Variants in ZNF141 observed in about 807,000 individuals in gnomAD.
ZNF141 encodes zinc finger protein 141 (clone pHZ-44).
ZNF141 carries 7 observed loss-of-function variants against 11.3 expected under a neutral mutation model. The observed-to-expected ratio is 0.62, with a 90% CI of 0.35 to 1.16. The LOEUF is 1.16. Among genes scored for constraint, ZNF141 ranks in the 50% most tolerant of loss-of-function variants. The pLI is 0.02. For synonymous variants in ZNF141, 183 were observed against 190.7 expected (o/e 0.96, Z 0.33); for missense variants, 535 against 554.0 (o/e 0.97, Z 0.34).
At position 372,897 on chromosome 4, in the gene ZNF141, G is replaced by A. The variant is rs782174052; in HGVS notation, c.460G>A (p.Val154Ile). 21 of 1,613,410 alleles carry A rather than the reference G, an allele frequency of 1.3e-5. No homozygotes were observed. The highest frequency in any genetic ancestry group is 4.5e-5 in the East Asian group (2 of 44,850). Residue 154 changes from valine to isoleucine, a missense_variant, in exon 4 of 4, where the codon GTT becomes ATT. Coordinates refer to ENST00000240499, the MANE Select transcript of ZNF141 (RefSeq NM_003441.4). ...ILQCKASVKV[V>I]SKFSNSNKRK... ...TCAGTGTAAAGCAAGTGTCAAAGTTGTTAGTAAATTTTCAAATTCAAACAA... is the reference window on the plus strand; with the variant it reads ...TCAGTGTAAAGCAAGTGTCAAAGTTATTAGTAAATTTTCAAATTCAAACAA...
At chr4:355,298 C>A (rs573921802) in intron 3 of ZNF141, among the ~76,000 whole-genome samples, 1 of 152,028 alleles carries the variant, frequency 6.6e-6, no homozygotes, top group Non-Finnish European at 1.5e-5. Flanking sequence ...CTCTGCCTCC[C>A]AGGTTCAAGC....
chr4:347,907 C>T (rs1553849893), intron 3 of ZNF141, among the ~76,000 whole-genome samples: 1 of 150,988 alleles, frequency 6.6e-6, no homozygotes, highest in African/African-American at 2.4e-5. Context: ...TGCAGTGGCA[C>T]GATCTTTGCT....
Position 378,995 on chromosome 4 carries a change from C to T in ZNF141, c.*5133C>T, listed in dbSNP as rs1178150922. On this transcript the variant is annotated 3_prime_UTR_variant, in exon 4 of 4. Transcript: ENST00000240499. Reference sequence around the variant, plus strand: ...AAGTAGCTGGGATTACAGGTGCCCACCACCACACCCAGCTAATTTTTGTAT... The same window carrying T: ...AAGTAGCTGGGATTACAGGTGCCCATCACCACACCCAGCTAATTTTTGTAT... Among the ~76,000 whole-genome samples the T allele has an allele frequency of 2.0e-5, 3 of 151,788 alleles. No homozygotes were observed.
chr4:365,418 C>CA (rs1170762615), intron 3 of ZNF141, among the ~76,000 whole-genome samples: 1 of 152,228 alleles, frequency 6.6e-6, no homozygotes, highest in African/African-American at 2.4e-5. Flanking sequence ...TCTTTTACGT[C>CA]AGTCACGCTG....
At chr4:357,601 T>A (rs550445891) in intron 3 of ZNF141, among the ~76,000 whole-genome samples, 41 of 149,644 alleles carry the variant, frequency 2.7e-4, no homozygotes, top group African/African-American at 5.8e-4. Context: ...ATTAAAAAAA[T>A]TTTTTTTTCT....
chr4:380,992 A>G lies in ZNF141; in HGVS notation c.*7130A>G, dbSNP rs61100476. On this transcript the variant is annotated 3_prime_UTR_variant, in exon 4 of 4. Transcript: ENST00000240499. ...CCCTTCGATACTGACGTACTTGGGA[A>G]CAGCTTTCCTTTCAACTGTCCTTCA... 0.023 allele frequency among the ~76,000 whole-genome samples: 3,536 copies of G among 152,316 alleles called. 137 individuals carry two copies. Among genetic ancestry groups the G allele is most frequent in the African/African-American group, 0.079 (3,302 of 41,550 alleles).
rs148972156 is a variant in ZNF141 at position 362,759 on chromosome 4, C to T, written c.227-9905C>T. Among the ~76,000 whole-genome samples, 176 of 152,282 alleles carry T rather than the reference C, an allele frequency of 1.2e-3. 2 individuals are homozygous for T. The East Asian group carries it at 0.015, about 13-fold the overall frequency. ...TATATCTCTGTTTTGGTACCAGTAC[C>T]ATGCTGTTTTGGTTACTGTAGCCTT... On this transcript the variant is annotated intron_variant, in intron 3 of 3. Coordinates refer to ENST00000240499, the MANE Select transcript of ZNF141 (RefSeq NM_003441.4).
rs782539965 is a variant in ZNF141 at position 373,776 on chromosome 4, G to A, written c.1339G>A (p.Val447Ile). The change falls in exon 4 of 4, where the codon GTA (valine) becomes ATA (isoleucine). Residue 447 changes from valine to isoleucine, a missense_variant. Physicochemically the swap from Val to Ile is conservative, Grantham distance 29. Coordinates refer to ENST00000240499, the MANE Select transcript of ZNF141 (RefSeq NM_003441.4). ...GAGTCAACATAAGAAAATTCATACT[G>A]TAGATAAACCCTACAAATGTAAAGA... ...LLSQHKKIHT[V>I]DKPYKCKDCD... is the part of the protein sequence containing the mutation. 1.2e-6 allele frequency: 2 copies of A among 1,614,094 alleles called. No individual in the cohort carries two copies. Among genetic ancestry groups the A allele is most frequent in the Non-Finnish European group, 1.7e-6 (2 of 1,179,976 alleles).
At chr4:346,828 T>C (rs782468015) in intron 3 of ZNF141, among the ~76,000 whole-genome samples, 2 of 151,502 alleles carry the variant, frequency 1.3e-5, no homozygotes, top group Non-Finnish European at 2.9e-5. Context: ...TAGTGTCCTG[T>C]GTATGTGTGT....
In ZNF141 at chr4:383,236, C is replaced by G. The variant is rs1712744049; in HGVS notation, c.*9374C>G. 7.4e-6 allele frequency: 5 copies of G among 675,466 alleles called. No individual in the cohort carries two copies. The highest frequency in any genetic ancestry group is 6.4e-5 in the South Asian group (4 of 62,694). The allele number at this position is 675,466 out of a possible 1,614,324, so 41.8% of individuals were successfully genotyped here. ...TTCACCAGCATCTAACCACTCACACCTGAAGGAGCCAAACTGAGCCCAGAA... is the reference window on the plus strand; with the variant it reads ...TTCACCAGCATCTAACCACTCACACGTGAAGGAGCCAAACTGAGCCCAGAA... On this transcript the variant is annotated 3_prime_UTR_variant, in exon 4 of 4. Coordinates refer to ENST00000240499, the MANE Select transcript of ZNF141 (RefSeq NM_003441.4).
intron 3 of ZNF141, among the ~76,000 whole-genome samples, 173 bp from the exon 4 acceptor site, chr4:372,491 G>A (rs1712116383): frequency 6.6e-6 from 1 of 152,198 alleles, no homozygotes; most frequent in Non-Finnish European, 1.5e-5. Context: ...TTCACAGAAA[G>A]GTGTCTTTGT....
In ZNF141 at chr4:384,564, G is replaced by A. The variant is rs555114851; in HGVS notation, c.*10702G>A. 2.0e-5 allele frequency: 3 copies of A among 152,226 alleles called. No individual in the cohort carries two copies. In the South Asian group the frequency reaches 6.2e-4, roughly 32 times the overall value. The allele number at this position is 152,226 out of a possible 1,614,324, so 9.4% of individuals were successfully genotyped here. On this transcript the variant is annotated 3_prime_UTR_variant, in exon 4 of 4. Coordinates refer to ENST00000240499, the MANE Select transcript of ZNF141 (RefSeq NM_003441.4). ...TTAACTTGACCCAGCTCCTTATAAT[G>A]TTACTAACATGACATAAATATTTTG...
At chr4:371,835 C>A (rs572620290) in intron 3 of ZNF141, among the ~76,000 whole-genome samples, 1 of 152,244 alleles carries the variant, frequency 6.6e-6, no homozygotes, top group East Asian at 1.9e-4. Flanking sequence ...CCACCATGCC[C>A]GTTCCCTTTT....
intron 3 of ZNF141, among the ~76,000 whole-genome samples, chr4:346,786 A>G (rs1276710128): frequency 6.6e-6 from 1 of 151,584 alleles, no homozygotes; most frequent in Non-Finnish European, 1.5e-5. Flanking sequence ...CATGTTGTAA[A>G]TGGCTAGATT....
In ZNF141 at chr4:383,219, C is replaced by T; in HGVS notation, c.*9357C>T. ...GAAGCAGAGCCACCTAATTCACCAG[C>T]ATCTAACCACTCACACCTGAAGGAG... is the stretch of plus-strand genomic sequence containing the variant. On this transcript the variant is annotated 3_prime_UTR_variant, in exon 4 of 4. Transcript: ENST00000240499. 1 of 691,240 alleles carries T rather than the reference C, an allele frequency of 1.4e-6. No homozygotes were observed. The highest frequency in any genetic ancestry group is 1.5e-5 in the South Asian group (1 of 65,508). The allele number at this position is 691,240 out of a possible 1,614,324, so 42.8% of individuals were successfully genotyped here. A position where few individuals can be genotyped will look rare whatever the true frequency, so the allele number is the denominator to read the frequency against.
In ZNF141 at chr4:381,113, A is replaced by G. The variant is rs1341624256; in HGVS notation, c.*7251A>G. On this transcript the variant is annotated 3_prime_UTR_variant, in exon 4 of 4. Coordinates refer to ENST00000240499, the MANE Select transcript of ZNF141 (RefSeq NM_003441.4). The stretch of plus-strand genomic sequence containing the variant: ...ATGTAATTAAATATTATTTACTACA[A>G]ACTCACATAGTACATTATGACTTTA... Among the ~76,000 whole-genome samples, 1 of 152,206 alleles carries G rather than the reference A, an allele frequency of 6.6e-6. No homozygotes were observed. Among genetic ancestry groups the G allele is most frequent in the Admixed American group, 6.5e-5 (1 of 15,284 alleles).
chr4:342,603 T>C (rs1721102011), intron 1 of ZNF141, among the ~76,000 whole-genome samples: 1 of 152,174 alleles, frequency 6.6e-6, no homozygotes, highest in Non-Finnish European at 1.5e-5. Flanking sequence ...AAATAATGTA[T>C]ATGTACAATG....
intron 3 of ZNF141, among the ~76,000 whole-genome samples, chr4:348,096 G>A (rs1045250027): frequency 2.6e-5 from 4 of 151,860 alleles, no homozygotes; most frequent in African/African-American, 7.3e-5. Flanking sequence ...TGCCTGCCTC[G>A]GCCTCCCAAA....
At chr4:354,273 C>T (rs561881514) in intron 3 of ZNF141, among the ~76,000 whole-genome samples, 2 of 106,130 alleles carry the variant, frequency 1.9e-5, no homozygotes, top group Admixed American at 1.6e-4. Flanking sequence ...TCTGCATTTT[C>T]CCCCCACAGA....
Sources: allele counts gnomAD v4.1 joint callset (sites outside exome capture counted in the v4.1 genomes callset), GRCh38; gene constraint gnomAD v4.1.1; transcripts MANE v1.5; gene names NCBI Gene and HGNC (gene_info 2026-07-23, HGNC 2026-07-21).